Variants in PCSK2 observed in about 807,000 individuals in gnomAD.
The protein encoded by PCSK2 is neuroendocrine convertase 2.
Under a neutral mutation model 69.7 loss-of-function variants are expected in PCSK2, and 14 were observed. The ratio of observed to expected loss-of-function variants is 0.20; its 90% confidence interval spans 0.13 to 0.31. The LOEUF is 0.31. PCSK2 is among the 10% of genes least tolerant of loss of function. PCSK2 has a pLI of 1.00. For synonymous variants in PCSK2, 307 were observed against 320.7 expected (o/e 0.96, Z 0.46); for missense variants, 544 against 842.5 (o/e 0.65, Z 4.39).
chr20:17,444,816 A>C (rs1568653152), intron 8 of PCSK2, among the ~76,000 whole-genome samples: 1 of 152,224 alleles, frequency 6.6e-6, no homozygotes, highest in African/African-American at 2.4e-5. Flanking sequence ...ACACACCCCA[A>C]AGGTATCCCA....
intron 2 of PCSK2, among the ~76,000 whole-genome samples, chr20:17,329,627 G>A (rs943878750): frequency 1.3e-4 from 20 of 152,122 alleles, no homozygotes; most frequent in African/African-American, 3.9e-4. Flanking sequence ...CAGCTAACAC[G>A]TGCATATCTT....
At chr20:17,325,851 A>T (rs1207392883) in intron 2 of PCSK2, among the ~76,000 whole-genome samples, 1 of 152,216 alleles carries the variant, frequency 6.6e-6, no homozygotes, top group East Asian at 1.9e-4. Context: ...TTAGTGGTAT[A>T]GCCCAGGCAT....
In PCSK2 at chr20:17,255,058, A is replaced by G. The variant is rs573931010; in HGVS notation, c.178-5182A>G. ...GCTGACTCTTTTGTCAATTCTAATA[A>G]TTTTTCTGGATTCATTATAAATTTC... is the stretch of plus-strand genomic sequence containing the variant. On this transcript the variant is annotated intron_variant, in intron 1 of 11. Transcript: ENST00000262545. Among the ~76,000 whole-genome samples the G allele has an allele frequency of 1.2e-4, 18 of 152,202 alleles. No individual in the cohort carries two copies. The South Asian group carries it at 3.5e-3, about 30-fold the overall frequency.
At chr20:17,388,247 C>A (rs1311972383) in intron 5 of PCSK2, among the ~76,000 whole-genome samples, 1 of 152,040 alleles carries the variant, frequency 6.6e-6, no homozygotes, top group Non-Finnish European at 1.5e-5. Flanking sequence ...ATCCTAGGAG[C>A]AAAGGGAAGC....
At chr20:17,279,827 C>A (rs1005622980) in intron 2 of PCSK2, among the ~76,000 whole-genome samples, 1 of 151,474 alleles carries the variant, frequency 6.6e-6, no homozygotes, top group African/African-American at 2.4e-5. Context: ...CATCCACATG[C>A]AAATATCCTT....
intron 5 of PCSK2, among the ~76,000 whole-genome samples, chr20:17,398,047 G>A (rs1284658862): frequency 6.6e-6 from 1 of 152,184 alleles, no homozygotes; most frequent in Non-Finnish European, 1.5e-5. Context: ...TATTGGGAAA[G>A]GCAATGTCTG....
chr20:17,310,448 A>G (rs1989469210), intron 2 of PCSK2, among the ~76,000 whole-genome samples: 1 of 152,124 alleles, frequency 6.6e-6, no homozygotes, highest in Non-Finnish European at 1.5e-5. Context: ...TGAAAATAAT[A>G]ATATATTAAT....
At chr20:17,428,876 G>C (rs1392514140) in intron 6 of PCSK2, among the ~76,000 whole-genome samples, 1 of 151,344 alleles carries the variant, frequency 6.6e-6, no homozygotes, top group Non-Finnish European at 1.5e-5. Context: ...GCACACACCT[G>C]TGGTCCCAGC....
At chr20:17,319,359 C>T (rs1455636764) in intron 2 of PCSK2, among the ~76,000 whole-genome samples, 3 of 152,274 alleles carry the variant, frequency 2.0e-5, no homozygotes, top group East Asian at 1.9e-4. Context: ...GGGTTCCTCA[C>T]GCAGAGGCAA....
chr20:17,322,511 GA>G (rs1220802512), intron 2 of PCSK2, among the ~76,000 whole-genome samples: 2 of 152,194 alleles, frequency 1.3e-5, no homozygotes, highest in Non-Finnish European at 2.9e-5. Context: ...AATCCAATAT[GA>G]CTTATGTCTT....
intron 11 of PCSK2, 115 bp downstream of exon 11, chr20:17,465,668 T>C: frequency 1.4e-6 from 1 of 710,306 alleles, no homozygotes; most frequent in Non-Finnish European, 2.3e-6. Context: ...GTATTTTTTG[T>C]TTGTTTGTTT....
intron 5 of PCSK2, among the ~76,000 whole-genome samples, chr20:17,382,497 G>T (rs955679302): frequency 3.3e-5 from 5 of 152,012 alleles, no homozygotes; most frequent in Admixed American, 3.3e-4. Context: ...AAATGGCATC[G>T]CCATGGTCAC....
At chr20:17,301,741 G>C (rs895298891) in intron 2 of PCSK2, among the ~76,000 whole-genome samples, 2 of 152,120 alleles carry the variant, frequency 1.3e-5, no homozygotes, top group Non-Finnish European at 2.9e-5. Context: ...GACCAGCCTG[G>C]CCAACATGGT....
chr20:17,400,103 T>C (rs2031601025), intron 5 of PCSK2, among the ~76,000 whole-genome samples: 1 of 152,200 alleles, frequency 6.6e-6, no homozygotes, highest in South Asian at 2.1e-4. Flanking sequence ...TTTCATGTGC[T>C]CCCCTAGCTC....
intron 11 of PCSK2, among the ~76,000 whole-genome samples, chr20:17,474,304 T>G (rs4813269): frequency 1.3e-5 from 2 of 151,988 alleles, no homozygotes; most frequent in African/African-American, 4.8e-5. Context: ...GTGGTGGCGT[T>G]GATGCTCCAA....
At chr20:17,446,889 A>G (rs1012167226) in intron 8 of PCSK2, among the ~76,000 whole-genome samples, 3 of 152,204 alleles carry the variant, frequency 2.0e-5, no homozygotes, top group Non-Finnish European at 2.9e-5. Flanking sequence ...GAGTAAATAT[A>G]TATGCACATA....
chr20:17,479,008 CTAAT>C, intron 11 of PCSK2: 1 of 839,344 alleles, frequency 1.2e-6, no homozygotes, highest in Non-Finnish European at 2.0e-6. Flanking sequence ...ATCTAGCACA[CTAAT>C]AAATAACTAT....
intron 2 of PCSK2, among the ~76,000 whole-genome samples, chr20:17,302,951 T>G (rs1989135706): frequency 6.6e-6 from 1 of 152,072 alleles, no homozygotes. Flanking sequence ...ATGTTTGGAA[T>G]GAGAAGAAGG....
Position 17,465,322 on chromosome 20 carries a change from C to A in PCSK2, c.1203-4C>A. The stretch of plus-strand genomic sequence containing the variant: ...CCCTCTTGCTCTCTGCTTCCTGTAT[C>A]CAGCCTGGGTCTGACCTGGCGGGAC... On this transcript the variant is annotated splice_region_variant and splice_polypyrimidine_tract_variant and intron_variant, in intron 10 of 11. Coordinates refer to ENST00000262545, the MANE Select transcript of PCSK2 (RefSeq NM_002594.5). The A allele has an allele frequency of 6.2e-7, 1 of 1,612,700 alleles. No individual in the cohort carries two copies. Among genetic ancestry groups the A allele is most frequent in the Non-Finnish European group, 8.5e-7 (1 of 1,178,880 alleles).
Sources: gnomAD v4.1 joint callset for allele counts (sites outside exome capture counted in the v4.1 genomes callset) on GRCh38, gnomAD v4.1.1 for gene constraint, MANE v1.5 for transcripts, NCBI Gene and HGNC (gene_info 2026-07-23, HGNC 2026-07-21) for gene names.